ZNF608: variants seen among roughly 807,000 people sequenced by gnomAD.
The protein encoded by ZNF608 is renal carcinoma antigen NY-REN-36.
ZNF608 carries 12 observed loss-of-function variants against 109.0 expected under a neutral mutation model. The ratio of observed to expected loss-of-function variants is 0.11; its 90% CI spans 0.07 to 0.18. ZNF608 has a LOEUF of 0.18. Ranked by LOEUF, ZNF608 falls within the 10% of genes least tolerant of loss-of-function variation. The pLI is 1.00. For synonymous variants in ZNF608, 732 were observed against 717.4 expected, an observed-to-expected ratio of 1.02 and a Z score of -0.33; for missense variants, 1,707 against 1,879.3, an observed-to-expected ratio of 0.91 and a Z score of 1.70.
intron 3 of ZNF608, among the ~76,000 whole-genome samples, chr5:124,674,086 T>C (rs1751838614): frequency 6.6e-6 from 1 of 152,198 alleles, no homozygotes; most frequent in South Asian, 2.1e-4. Flanking sequence ...ACTTGCATTA[T>C]CATAAAAATC....
intron 3 of ZNF608, among the ~76,000 whole-genome samples, chr5:124,689,290 T>A (rs903576366): frequency 6.6e-6 from 1 of 151,940 alleles, no homozygotes; most frequent in Non-Finnish European, 1.5e-5. Flanking sequence ...CTAAAATAAA[T>A]TTTTTTTAAT....
upstream of ZNF608, among the ~76,000 whole-genome samples, chr5:124,747,816 G>A (rs923231136): frequency 6.6e-6 from 1 of 152,194 alleles, no homozygotes; most frequent in Non-Finnish European, 1.5e-5. Context: ...GCTTTCCCAA[G>A]GGGCCAGGGA....
chr5:124,659,134 C>T (rs571856306), intron 3 of ZNF608, among the ~76,000 whole-genome samples: 1 of 144,048 alleles, frequency 6.9e-6, no homozygotes, highest in African/African-American at 2.7e-5. Context: ...TCCTTTCCTG[C>T]ACTTAATATT....
chr5:124,717,792 C>T (rs369832679), intron 2 of ZNF608, among the ~76,000 whole-genome samples: 2 of 152,148 alleles, frequency 1.3e-5, no homozygotes, highest in East Asian at 3.9e-4. Flanking sequence ...CATGTGCATG[C>T]GACATGCAAC....
intron 2 of ZNF608, among the ~76,000 whole-genome samples, chr5:124,727,244 A>G (rs1748648128): frequency 6.6e-6 from 1 of 152,022 alleles, no homozygotes; most frequent in Admixed American, 6.6e-5. Context: ...CAACTCTAAA[A>G]CCCTCTCCTC....
chr5:124,705,000 G>A (rs76483515), intron 2 of ZNF608, among the ~76,000 whole-genome samples: 1 of 151,940 alleles, frequency 6.6e-6, no homozygotes, highest in Non-Finnish European at 1.5e-5. Flanking sequence ...AATTCTTTCT[G>A]CTAGGTAAGA....
intron 3 of ZNF608, among the ~76,000 whole-genome samples, chr5:124,662,156 A>C (rs1271058612): frequency 6.6e-6 from 1 of 152,262 alleles, no homozygotes; most frequent in Non-Finnish European, 1.5e-5. Context: ...TAAATACTTC[A>C]TGATGACTTA....
chr5:124,673,913 C>T (rs140271333), intron 3 of ZNF608, among the ~76,000 whole-genome samples: 23 of 152,168 alleles, frequency 1.5e-4, no homozygotes, highest in South Asian at 1.0e-3. Flanking sequence ...TGCTTATATA[C>T]GTTTTCACTA....
intron 2 of ZNF608, among the ~76,000 whole-genome samples, chr5:124,718,062 C>T (rs889600052): frequency 6.6e-6 from 1 of 152,214 alleles, no homozygotes; most frequent in East Asian, 1.9e-4. Context: ...AATCTGAGCA[C>T]AGGCCCACAT....
At chr5:124,694,137 G>A (rs1580638807) in intron 3 of ZNF608, among the ~76,000 whole-genome samples, 2 of 119,596 alleles carry the variant, frequency 1.7e-5, no homozygotes, top group African/African-American at 3.2e-5. Flanking sequence ...CACCACGCTC[G>A]GCTAATTTTT....
chr5:124,725,093 C>T (rs1006747080), intron 2 of ZNF608, among the ~76,000 whole-genome samples: 2 of 152,072 alleles, frequency 1.3e-5, no homozygotes, highest in Non-Finnish European at 2.9e-5. Flanking sequence ...TCCCTCTCCT[C>T]GACCCCCGGG....
At chr5:124,690,237 T>C (rs1752559028) in intron 3 of ZNF608, among the ~76,000 whole-genome samples, 1 of 151,992 alleles carries the variant, frequency 6.6e-6, no homozygotes, top group Non-Finnish European at 1.5e-5. Flanking sequence ...GAGAGATGAG[T>C]AAGTGGAGCA....
At chr5:124,746,090 A>G in intron 1 of ZNF608, 105 bp downstream of exon 1, 1 of 982,196 alleles carries the variant, frequency 1.0e-6, no homozygotes, top group Non-Finnish European at 1.2e-6. Flanking sequence ...AGAGCAGTTA[A>G]AACGGTTTTT....
At chr5:124,659,718 T>C (rs551298793) in intron 3 of ZNF608, among the ~76,000 whole-genome samples, 1 of 152,334 alleles carries the variant, frequency 6.6e-6, no homozygotes, top group East Asian at 1.9e-4. Context: ...TGTCAAAATA[T>C]GTGTAATACA....
chr5:124,701,096 C>G lies in ZNF608; in HGVS notation c.1080G>C (p.Val360=), dbSNP rs748324868. The change falls in exon 3 of 10, where the codon GTG becomes GTC. Residue 360 remains valine (V), a synonymous_variant. Coordinates refer to ENST00000513986, the MANE Select transcript of ZNF608 (RefSeq NM_020747.3). ...AGGGCCCAAGACACTCTGGCTCTGT[C>G]ACTACTCCAACTTCACATGTATTGA... The part of the protein sequence containing the change: ...VGVNTCEVGV[V]TEPECLGPCE... 1 of 1,614,170 alleles carries G rather than the reference C, an allele frequency of 6.2e-7. No individual in the cohort carries two copies. Among genetic ancestry groups the G allele is most frequent in the Non-Finnish European group, 8.5e-7 (1 of 1,180,024 alleles).
intron 3 of ZNF608, among the ~76,000 whole-genome samples, chr5:124,697,046 C>T (rs910762381): frequency 6.6e-6 from 1 of 151,984 alleles, no homozygotes; most frequent in South Asian, 2.1e-4. Context: ...GGCACAGCAC[C>T]GAGAACCCTC....
chr5:124,658,722 T>C (rs374449243), intron 3 of ZNF608, among the ~76,000 whole-genome samples: 2 of 152,268 alleles, frequency 1.3e-5, no homozygotes, highest in African/African-American at 4.8e-5. Context: ...CTCCCTCTCT[T>C]TGTGGGAAGA....
Position 124,719,584 on chromosome 5 carries a change from A to G in ZNF608, c.907-18315T>C, listed in dbSNP as rs897368515. On this transcript the variant is annotated intron_variant, in intron 2 of 9. Coordinates refer to ENST00000513986, the MANE Select transcript of ZNF608 (RefSeq NM_020747.3). ...AAGCATGGGGTTCCTATTGCTTCTC[A>G]GTAGTTAAGCTATTTGCCCCCTAAG... 2.0e-5 allele frequency among the ~76,000 whole-genome samples: 3 copies of G among 152,356 alleles called. No homozygotes were observed. The South Asian group carries it at 6.2e-4, about 32-fold the overall frequency.
intron 2 of ZNF608, among the ~76,000 whole-genome samples, chr5:124,716,874 G>T (rs1438033377): frequency 6.6e-6 from 1 of 152,006 alleles, no homozygotes; most frequent in Admixed American, 6.5e-5. Context: ...CCTGAGGTCG[G>T]GAGTTGGAGA....
Sources: gnomAD v4.1 joint callset for allele counts (sites outside exome capture counted in the v4.1 genomes callset) on GRCh38, gnomAD v4.1.1 for gene constraint, MANE v1.5 for transcripts, NCBI Gene and HGNC (gene_info 2026-07-23, HGNC 2026-07-21) for gene names.